The following SCRT2 variants were observed in gnomAD, a reference collection of about 807,000 sequenced individuals.
SCRT2 encodes scratch family transcriptional repressor 2, also known as transcriptional repressor scratch 2.
A neutral mutation model predicts 3.7 loss-of-function variants in SCRT2; 2 were observed. The ratio of observed to expected loss-of-function variants is 0.54; its 90% CI spans 0.22 to 1.70. SCRT2 has a LOEUF of 1.70. SCRT2 is among the 40% of genes most tolerant of loss of function. The probability of loss-of-function intolerance (pLI) is 0.19; values close to 1 mark genes in which losing one functional copy is unlikely to be tolerated. For synonymous variants in SCRT2, 256 were observed against 220.6 expected, an observed-to-expected ratio of 1.16 and a Z score of -1.42; for missense variants, 456 against 468.5, an observed-to-expected ratio of 0.97 and a Z score of 0.25.
intron 1 of SCRT2, among the ~76,000 whole-genome samples, chr20:670,081 A>T (rs1984282884): frequency 6.6e-6 from 1 of 152,164 alleles, no homozygotes; most frequent in Non-Finnish European, 1.5e-5. Context: ...GTCTTTCCTG[A>T]CTGTGACCCA....
chr20:674,963 G>GTGA (rs1209612571), intron 1 of SCRT2, among the ~76,000 whole-genome samples: 1 of 152,160 alleles, frequency 6.6e-6, no homozygotes, highest in African/African-American at 2.4e-5. Flanking sequence ...GAGCACTTGT[G>GTGA]TGACATCGGC....
rs868816688 is a variant in SCRT2, at chr20:665,453, A to C, written c.134-992T>G. ...GCTCTAGAAGTCGTCGGAAGTCCGC[A>C]GTGAGAATTCCCCTCCCCCTCCTCC... is the stretch of plus-strand genomic sequence containing the variant. On this transcript the variant is annotated intron_variant, in intron 1 of 1. Transcript: ENST00000246104. The surrounding 1 kb of genome is among the most constrained non-coding windows in gnomAD (Gnocchi z 5.0). 6.6e-6 allele frequency among the ~76,000 whole-genome samples: 1 copy of C among 152,212 alleles called. No individual in the cohort carries two copies. Among genetic ancestry groups the C allele is most frequent in the Non-Finnish European group, 1.5e-5 (1 of 68,024 alleles).
rs552471148 is a variant in SCRT2 at position 664,347 on chromosome 20, T to G, written c.248A>C (p.Asp83Ala). The G allele has an allele frequency of 6.7e-7, 1 of 1,483,056 alleles. No homozygotes were observed. Among genetic ancestry groups the G allele is most frequent in the Non-Finnish European group, 9.0e-7 (1 of 1,107,038 alleles). 91.9% of individuals were successfully genotyped at this position (1,483,056 alleles called of 1,614,324 possible). ...YPPAAPEEYS[D>A]PESPQSSLSA... ...CAGGCTCGACTGCGGGCTTTCGGGG[T>G]CGCTGTACTCCTCCGGCGCCGCCGG... Residue 83 changes from aspartate (D) to alanine (A), a missense_variant, in exon 2 of 2, where the codon GAC becomes GCC. Transcript: ENST00000246104. This position sits in a 1 kb window ranked among gnomAD's most constrained non-coding sequence, Gnocchi z 7.9.
chr20:666,079 T>C lies in SCRT2; in HGVS notation c.134-1618A>G, dbSNP rs144157158. ...AAGGGTGTGCCCTTATTTTTACCTCTGTCCCTTCAGCAGCCAGCACAGGGC... is the reference window on the plus strand; with the variant it reads ...AAGGGTGTGCCCTTATTTTTACCTCCGTCCCTTCAGCAGCCAGCACAGGGC... On this transcript the variant is annotated intron_variant, in intron 1 of 1. Coordinates refer to ENST00000246104, the MANE Select transcript of SCRT2 (RefSeq NM_033129.4). This position sits in a 1 kb window ranked among gnomAD's most constrained non-coding sequence, Gnocchi z 4.4. Among the ~76,000 whole-genome samples the C allele has an allele frequency of 6.6e-6, 1 of 152,322 alleles. No homozygotes were observed. Among genetic ancestry groups the C allele is most frequent in the Non-Finnish European group, 1.5e-5 (1 of 68,026 alleles).
In SCRT2 at chr20:664,690, C is replaced by T. The variant is rs1984102626; in HGVS notation, c.134-229G>A. Among the ~76,000 whole-genome samples, 2 of 152,232 alleles carry T rather than the reference C, an allele frequency of 1.3e-5. No homozygotes were observed. The highest frequency in any genetic ancestry group is 4.1e-4 in the South Asian group (2 of 4,836). On this transcript the variant is annotated intron_variant, in intron 1 of 1. Coordinates refer to ENST00000246104, the MANE Select transcript of SCRT2 (RefSeq NM_033129.4). This position sits in a 1 kb window ranked among gnomAD's most constrained non-coding sequence, Gnocchi z 7.9. Reference sequence around the variant, plus strand: ...CCACCCCAACCCACGGAGCATGGGGCCAGCACGGTTGTACAGAGCGTACCT... The same window carrying T: ...CCACCCCAACCCACGGAGCATGGGGTCAGCACGGTTGTACAGAGCGTACCT...
chr20:664,322 C>A lies in SCRT2; in HGVS notation c.273G>T (p.Leu91=). ...CCTCCCCTCGGAAGTAGCGCGCCGA[C>A]AGGCTCGACTGCGGGCTTTCGGGGT... is the stretch of plus-strand genomic sequence containing the variant. The part of the protein sequence containing the change: ...YSDPESPQSS[L]SARYFRGEAA... Residue 91 remains leucine (L), a synonymous_variant, in exon 2 of 2, where the codon CTG becomes CTT. Transcript: ENST00000246104. This position sits in a 1 kb window ranked among gnomAD's most constrained non-coding sequence, Gnocchi z 7.9. The A allele has an allele frequency of 1.3e-6, 2 of 1,504,532 alleles. No individual in the cohort carries two copies. Among genetic ancestry groups the A allele is most frequent in the Non-Finnish European group, 1.8e-6 (2 of 1,117,338 alleles). The allele number at this position is 1,504,532 out of a possible 1,614,324, so 93.2% of individuals were successfully genotyped here.
chr20:664,499 G>T lies in SCRT2; in HGVS notation c.134-38C>A, dbSNP rs1984093264. On this transcript the variant is annotated intron_variant, in intron 1 of 1. Transcript: ENST00000246104. The surrounding 1 kb of genome is among the most constrained non-coding windows in gnomAD (Gnocchi z 7.9). ...AGAAGTGGAGGGGCGGTGAGAGGAG[G>T]CGCCGAAGAGGGTTTCCCGCTTTGA... The T allele has an allele frequency of 3.3e-6, 4 of 1,205,052 alleles. No individual in the cohort carries two copies. In the South Asian group the frequency reaches 1.5e-4, roughly 45 times the overall value. The allele number at this position is 1,205,052 out of a possible 1,614,324, so 74.6% of individuals were successfully genotyped here. A position where few individuals can be genotyped will look rare whatever the true frequency, so the allele number is the denominator to read the frequency against.
intron 1 of SCRT2, among the ~76,000 whole-genome samples, chr20:672,725 C>A (rs1984383259): frequency 7.2e-6 from 1 of 138,306 alleles, no homozygotes; most frequent in Non-Finnish European, 1.6e-5. Context: ...CCCCCGCCCT[C>A]CCTCCCTCCC....
intron 1 of SCRT2, among the ~76,000 whole-genome samples, chr20:673,547 A>C (rs6107740): frequency 0.49 from 74,645 of 151,938 alleles, 18,747 homozygotes; most frequent in African/African-American, 0.59. Context: ...TGGTCTGGAG[A>C]CCCATGGGGA....
Position 664,285 on chromosome 20 carries a change from CG to C in SCRT2, c.309del (p.Asp104ThrfsTer67). 1 of 1,473,162 alleles carries C rather than the reference CG, an allele frequency of 6.8e-7. No individual in the cohort carries two copies. 91.3% of individuals were successfully genotyped at this position (1,473,162 alleles called of 1,614,324 possible). ...ARYFRGEAAV[T>X]DSYSMDAFFI... ...AAGAAGGCGTCCATGGAGTAGCTGTCGGTCACTGCCGCCTCCCCTCGGAAGT... is the reference window on the plus strand; with the variant it reads ...AAGAAGGCGTCCATGGAGTAGCTGTCGTCACTGCCGCCTCCCCTCGGAAGT... On this transcript the variant is annotated frameshift_variant, in exon 2 of 2. Coordinates refer to ENST00000246104, the MANE Select transcript of SCRT2 (RefSeq NM_033129.4). LOFTEE classifies it low-confidence loss of function (END_TRUNC). The surrounding 1 kb of genome is among the most constrained non-coding windows in gnomAD (Gnocchi z 7.9).
intron 1 of SCRT2, among the ~76,000 whole-genome samples, chr20:673,707 G>C (rs1474210977): frequency 6.6e-6 from 1 of 152,198 alleles, no homozygotes; most frequent in African/African-American, 2.4e-5. Flanking sequence ...TTCAAGGCAA[G>C]GCATTCTCTT....
At chr20:673,555 G>A (rs1347252513) in intron 1 of SCRT2, among the ~76,000 whole-genome samples, 5 of 152,190 alleles carry the variant, frequency 3.3e-5, no homozygotes, top group South Asian at 2.1e-4. Context: ...AGACCCATGG[G>A]GAAGGGGACA....
Position 663,272 on chromosome 20 carries a change from G to A in SCRT2, c.*399C>T, listed in dbSNP as rs1012969560. 5 of 193,264 alleles carry A rather than the reference G, an allele frequency of 2.6e-5. No homozygotes were observed. Among genetic ancestry groups the A allele is most frequent in the African/African-American group, 7.0e-5 (3 of 42,786 alleles). The allele number at this position is 193,264 out of a possible 1,614,324, so 12.0% of individuals were successfully genotyped here. The stretch of plus-strand genomic sequence containing the variant: ...GCTTTCATTGGGGGCTCCAGTAGAG[G>A]AATGGTCAGAGAGATTCAGCTGAGA... On this transcript the variant is annotated 3_prime_UTR_variant, in exon 2 of 2. Coordinates refer to ENST00000246104, the MANE Select transcript of SCRT2 (RefSeq NM_033129.4). The surrounding 1 kb of genome is among the most constrained non-coding windows in gnomAD (Gnocchi z 6.9).
Position 662,191 on chromosome 20 carries a change from G to A in SCRT2, c.*1480C>T, listed in dbSNP as rs573856239. On this transcript the variant is annotated 3_prime_UTR_variant, in exon 2 of 2. Transcript: ENST00000246104. ...CCGGGAGAGTTGCATAGACATGGCC[G>A]GGAGAGAGCGCCCCTCCCGGGGAGC... 2 of 152,724 alleles carry A rather than the reference G, an allele frequency of 1.3e-5. No homozygotes were observed. The highest frequency in any genetic ancestry group is 1.5e-5 in the Non-Finnish European group (1 of 68,102). 9.5% of individuals were successfully genotyped at this position (152,724 alleles called of 1,614,324 possible). A position where few individuals can be genotyped will look rare whatever the true frequency, so the allele number is the denominator to read the frequency against.
In SCRT2 at chr20:662,275, G is replaced by C. The variant is rs879053140; in HGVS notation, c.*1396C>G. On this transcript the variant is annotated 3_prime_UTR_variant, in exon 2 of 2. Coordinates refer to ENST00000246104, the MANE Select transcript of SCRT2 (RefSeq NM_033129.4). ...CGGTCCCTGGAACCTGGGGTCCCTC[G>C]GGAAGAAGAATAAACAGGAAACAAA... 1 of 152,878 alleles carries C rather than the reference G, an allele frequency of 6.5e-6. No individual in the cohort carries two copies. Among genetic ancestry groups the C allele is most frequent in the East Asian group, 1.9e-4 (1 of 5,170 alleles). 9.5% of individuals were successfully genotyped at this position (152,878 alleles called of 1,614,324 possible).
chr20:674,971 G>A (rs1984479257), intron 1 of SCRT2, among the ~76,000 whole-genome samples: 1 of 152,106 alleles, frequency 6.6e-6, no homozygotes, highest in Non-Finnish European at 1.5e-5. Flanking sequence ...GTGTGACATC[G>A]GCAGGGGAGC....
Position 675,489 on chromosome 20 carries a change from C to G in SCRT2, c.113G>C (p.Arg38Pro). ...CTCACCGTTGTCCCCGGGAGGCCCC[C>G]GGGCGCCAGGCAGCACGTAGGCTGT... The part of the protein sequence containing the change: ...LETAYVLPGA[R>P]GPPGDNGYAP... Residue 38 changes from arginine to proline, a missense_variant, in exon 1 of 2, where the codon CGG becomes CCG. Transcript: ENST00000246104. The surrounding 1 kb of genome is among the most constrained non-coding windows in gnomAD (Gnocchi z 6.9). 7.3e-7 allele frequency: 1 copy of G among 1,364,472 alleles called. No individual in the cohort carries two copies. The highest frequency in any genetic ancestry group is 2.0e-5 in the South Asian group (1 of 48,930). The allele number at this position is 1,364,472 out of a possible 1,614,324, so 84.5% of individuals were successfully genotyped here. A position where few individuals can be genotyped will look rare whatever the true frequency, so the allele number is the denominator to read the frequency against.
rs1270348314 is a variant in SCRT2 at position 675,414 on chromosome 20, C to T, written c.133+55G>A. The T allele has an allele frequency of 1.6e-6, 2 of 1,258,936 alleles. No individual in the cohort carries two copies. The highest frequency in any genetic ancestry group is 4.2e-5 in the Admixed American group (1 of 23,772). The allele number at this position is 1,258,936 out of a possible 1,614,324, so 78.0% of individuals were successfully genotyped here. A position where few individuals can be genotyped will look rare whatever the true frequency, so the allele number is the denominator to read the frequency against. On this transcript the variant is annotated intron_variant, in intron 1 of 1. Transcript: ENST00000246104. This position sits in a 1 kb window ranked among gnomAD's most constrained non-coding sequence, Gnocchi z 6.9. ...CCTCGTGGCCCAAGCTGGGGAGGGC[C>T]CCAGCTCCCCTCGCCTCTTCTCCCA... is the stretch of plus-strand genomic sequence containing the variant.
chr20:672,506 G>T (rs933504199), intron 1 of SCRT2, among the ~76,000 whole-genome samples: 3 of 151,888 alleles, frequency 2.0e-5, no homozygotes, highest in Non-Finnish European at 4.4e-5. Context: ...CAGAGCTGGG[G>T]TACACCTCTT....
Sources: gnomAD v4.1 joint callset for allele counts (sites outside exome capture counted in the v4.1 genomes callset) on GRCh38, gnomAD v4.1.1 for gene constraint, Gnocchi (gnomAD v3.1) non-coding constraint, MANE v1.5 for transcripts, NCBI Gene and HGNC (gene_info 2026-07-23, HGNC 2026-07-21) for gene names.